The following FLRT2 variants were observed in gnomAD, a reference collection of about 807,000 sequenced individuals.
FLRT2 encodes the protein fibronectin leucine rich transmembrane protein 2.
FLRT2 carries 15 observed loss-of-function variants against 40.0 expected under a neutral mutation model. The ratio of observed to expected loss-of-function variants is 0.38; its 90% confidence interval spans 0.25 to 0.58. The LOEUF (loss-of-function observed/expected upper bound fraction) is 0.58. Among genes scored for constraint, FLRT2 ranks in the 20% least tolerant of loss-of-function variants. The probability of loss-of-function intolerance (pLI) is 0.71; values close to 1 mark genes in which losing one functional copy is unlikely to be tolerated. For missense variants in FLRT2, 726 were observed against 840.0 expected, an observed-to-expected ratio of 0.86 and a Z score of 1.68; for synonymous variants, 380 against 336.8, an observed-to-expected ratio of 1.13 and a Z score of -1.41.
chr14:85,611,885 GGAGAGAGA>G (rs74264052), intron 1 of FLRT2, among the ~76,000 whole-genome samples: 3 of 143,026 alleles, frequency 2.1e-5, no homozygotes, highest in Non-Finnish European at 1.5e-5. Context: ...TCATGTGAGG[GGAGAGAGA>G]GAGAGAGCGC....
intron 1 of FLRT2, among the ~76,000 whole-genome samples, chr14:85,555,274 CA>C (rs1298806439): frequency 6.6e-6 from 1 of 152,118 alleles, no homozygotes; most frequent in Non-Finnish European, 1.5e-5. Context: ...GAAGATGTTA[CA>C]CATCAGCAGA....
chr14:85,646,137 C>T lies in FLRT2; in HGVS notation c.*22640C>T, dbSNP rs1324196540. The T allele has an allele frequency of 6.6e-6, 1 of 152,312 alleles. No homozygotes were observed. Among genetic ancestry groups the T allele is most frequent in the East Asian group, 1.9e-4 (1 of 5,176 alleles). 9.4% of individuals were successfully genotyped at this position (152,312 alleles called of 1,614,324 possible). A position where few individuals can be genotyped will look rare whatever the true frequency, so the allele number is the denominator to read the frequency against. On this transcript the variant is annotated 3_prime_UTR_variant, in exon 2 of 2. Transcript: ENST00000330753. The stretch of plus-strand genomic sequence containing the variant: ...ATGGCACAGAGGTTAAGAAAATGAA[C>T]TCAGGCCGGTAAGAGTCACTGTTAT...
rs1474572531 is a variant in FLRT2 at position 85,647,704 on chromosome 14, A to G, written c.*24207A>G. The G allele has an allele frequency of 6.6e-6, 1 of 152,130 alleles. No homozygotes were observed. The allele number at this position is 152,130 out of a possible 1,614,324, so 9.4% of individuals were successfully genotyped here. On this transcript the variant is annotated 3_prime_UTR_variant, in exon 2 of 2. Transcript: ENST00000330753. Reference sequence around the variant, plus strand: ...ATGTATGGGACCCAGGGAATTTTACAGAAACATCTCTAAGAACTTCCATGC... The same window carrying G: ...ATGTATGGGACCCAGGGAATTTTACGGAAACATCTCTAAGAACTTCCATGC...
At position 85,638,262 on chromosome 14, in the gene FLRT2, G is replaced by A. The variant is rs1894058527; in HGVS notation, c.*14765G>A. On this transcript the variant is annotated 3_prime_UTR_variant, in exon 2 of 2. Coordinates refer to ENST00000330753, the MANE Select transcript of FLRT2 (RefSeq NM_013231.6). ...GAAGTGCTCTGGTTCTATTGGCAGAGATCCTTGCTGTTAGCCTCTTGCCTT... is the reference window on the plus strand; with the variant it reads ...GAAGTGCTCTGGTTCTATTGGCAGAAATCCTTGCTGTTAGCCTCTTGCCTT... The A allele has an allele frequency of 6.6e-6, 1 of 152,224 alleles. No homozygotes were observed. Among genetic ancestry groups the A allele is most frequent in the African/African-American group, 2.4e-5 (1 of 41,442 alleles). 9.4% of individuals were successfully genotyped at this position (152,224 alleles called of 1,614,324 possible). A position where few individuals can be genotyped will look rare whatever the true frequency, so the allele number is the denominator to read the frequency against.
intron 1 of FLRT2, among the ~76,000 whole-genome samples, chr14:85,607,851 A>T (rs893064180): frequency 6.6e-6 from 1 of 152,232 alleles, no homozygotes; most frequent in African/African-American, 2.4e-5. Flanking sequence ...GGATGACTTG[A>T]ACAACAGAAA....
chr14:85,539,868 A>T (rs778381004), intron 1 of FLRT2, among the ~76,000 whole-genome samples: 5 of 152,208 alleles, frequency 3.3e-5, no homozygotes, highest in Non-Finnish European at 7.3e-5. Flanking sequence ...TACGGCCTCA[A>T]GAGATATCAT....
rs952075057 is a variant in FLRT2 at position 85,633,122 on chromosome 14, T to C, written c.*9625T>C. ...TGTGTATTGGGGTAAGAATTACATG[T>C]AGAGATGATCTATTTAAAGGTAATT... On this transcript the variant is annotated 3_prime_UTR_variant, in exon 2 of 2. Transcript: ENST00000330753. 1.3e-5 allele frequency: 2 copies of C among 152,178 alleles called. No homozygotes were observed. The highest frequency in any genetic ancestry group is 2.9e-5 in the Non-Finnish European group (2 of 68,024). 9.4% of individuals were successfully genotyped at this position (152,178 alleles called of 1,614,324 possible).
Position 85,645,564 on chromosome 14 carries a change from T to C in FLRT2, c.*22067T>C, listed in dbSNP as rs1439414198. The C allele has an allele frequency of 6.6e-6, 1 of 152,116 alleles. No individual in the cohort carries two copies. The highest frequency in any genetic ancestry group is 1.5e-5 in the Non-Finnish European group (1 of 68,016). 9.4% of individuals were successfully genotyped at this position (152,116 alleles called of 1,614,324 possible). Reference sequence around the variant, plus strand: ...TAAGCATGGATACAATTTGGATCATTGGTAATAAGGAGACTTAGGGAAGAA... The same window carrying C: ...TAAGCATGGATACAATTTGGATCATCGGTAATAAGGAGACTTAGGGAAGAA... On this transcript the variant is annotated 3_prime_UTR_variant, in exon 2 of 2. Transcript: ENST00000330753.
intron 1 of FLRT2, among the ~76,000 whole-genome samples, chr14:85,603,934 A>G (rs1027715004): frequency 6.6e-6 from 1 of 152,160 alleles, no homozygotes; most frequent in African/African-American, 2.4e-5. Flanking sequence ...TGGATAACAT[A>G]AGGTAACTTT....
chr14:85,626,631 C>T lies in FLRT2; in HGVS notation c.*3134C>T, dbSNP rs1304985045. The T allele has an allele frequency of 1.8e-5, 3 of 167,042 alleles. No homozygotes were observed. The highest frequency in any genetic ancestry group is 4.8e-5 in the African/African-American group (2 of 41,438). 10.3% of individuals were successfully genotyped at this position (167,042 alleles called of 1,614,324 possible). A position where few individuals can be genotyped will look rare whatever the true frequency, so the allele number is the denominator to read the frequency against. ...GAGACTCTGGGCCACCCTCAAACAC[C>T]GTCAGATGCATTAGCAGCCCACTGC... On this transcript the variant is annotated 3_prime_UTR_variant, in exon 2 of 2. Transcript: ENST00000330753.
chr14:85,606,408 C>T (rs1320584596), intron 1 of FLRT2, among the ~76,000 whole-genome samples: 1 of 152,204 alleles, frequency 6.6e-6, no homozygotes, highest in South Asian at 2.1e-4. Flanking sequence ...TTCTGCATCC[C>T]TAAAATGGCA....
rs898821075 is a variant in FLRT2, at chr14:85,638,192, C to G, written c.*14695C>G. On this transcript the variant is annotated 3_prime_UTR_variant, in exon 2 of 2. Coordinates refer to ENST00000330753, the MANE Select transcript of FLRT2 (RefSeq NM_013231.6). ...AGCACGGGCCATTGCGATGGACAGA[C>G]GCCACCGCAGAGAGCAAGGTTTACC... The G allele has an allele frequency of 3.3e-5, 5 of 152,138 alleles. No individual in the cohort carries two copies. 9.4% of individuals were successfully genotyped at this position (152,138 alleles called of 1,614,324 possible).
chr14:85,570,297 A>T (rs546924091), intron 1 of FLRT2, among the ~76,000 whole-genome samples: 47 of 152,224 alleles, frequency 3.1e-4, no homozygotes, highest in Non-Finnish European at 6.0e-4. Flanking sequence ...CAGTAAACAC[A>T]TATGAAAATT....
chr14:85,558,869 C>A (rs1356796785), intron 1 of FLRT2, among the ~76,000 whole-genome samples: 1 of 152,172 alleles, frequency 6.6e-6, no homozygotes, highest in African/African-American at 2.4e-5. Flanking sequence ...CAGATAATAA[C>A]CTTCGGGAAA....
At chr14:85,588,747 T>C (rs1305896702) in intron 1 of FLRT2, among the ~76,000 whole-genome samples, 1 of 152,158 alleles carries the variant, frequency 6.6e-6, no homozygotes, top group Non-Finnish European at 1.5e-5. Flanking sequence ...TAACGATACT[T>C]ACTTTTCCCC....
intron 1 of FLRT2, among the ~76,000 whole-genome samples, chr14:85,560,702 C>T (rs971236134): frequency 4.0e-5 from 6 of 151,066 alleles, no homozygotes; most frequent in Admixed American, 3.9e-4. Context: ...GCTGTGTGAC[C>T]AGGAATTTGT....
intron 1 of FLRT2, among the ~76,000 whole-genome samples, chr14:85,539,426 A>G (rs1888854646): frequency 6.6e-6 from 1 of 152,102 alleles, no homozygotes; most frequent in Non-Finnish European, 1.5e-5. Context: ...AAATAATAGC[A>G]TTTCACTCTT....
chr14:85,556,138 T>C (rs1476913043), intron 1 of FLRT2, among the ~76,000 whole-genome samples: 6 of 152,202 alleles, frequency 3.9e-5, no homozygotes, highest in Non-Finnish European at 7.3e-5. Flanking sequence ...TAATAAGCAG[T>C]GCTGTCTGGA....
At position 85,622,759 on chromosome 14, in the gene FLRT2, A is replaced by G. The variant is rs1467054329; in HGVS notation, c.1245A>G (p.Glu415=). ...LPTIPDWDGR[E]RVTPPISERI... is the part of the protein sequence containing the mutation. ...CGATTCCTGACTGGGATGGCAGAGA[A>G]AGAGTGACCCCACCTATTTCTGAAC... The change falls in exon 2 of 2, where the codon GAA becomes GAG. Residue 415 remains glutamate (E), a synonymous_variant. Coordinates refer to ENST00000330753, the MANE Select transcript of FLRT2 (RefSeq NM_013231.6). The G allele has an allele frequency of 6.2e-7, 1 of 1,614,036 alleles. No homozygotes were observed. Among genetic ancestry groups the G allele is most frequent in the African/African-American group, 1.3e-5 (1 of 74,940 alleles).
Sources: allele counts gnomAD v4.1 joint callset (sites outside exome capture counted in the v4.1 genomes callset), GRCh38; gene constraint gnomAD v4.1.1; transcripts MANE v1.5; gene names NCBI Gene and HGNC (gene_info 2026-07-23, HGNC 2026-07-21).